AGBL1: variants seen among roughly 807,000 people sequenced by gnomAD.
AGBL1 encodes the protein cytosolic carboxypeptidase 4.
AGBL1 carries 130 observed loss-of-function variants against 118.9 expected under a neutral mutation model. That is an observed-to-expected ratio of 1.09 (90% CI 0.95 to 1.26). AGBL1 has a LOEUF of 1.26. AGBL1 is among the 50% of genes most tolerant of loss of function. AGBL1 has a pLI of 0.00. For synonymous variants in AGBL1, 555 were observed against 478.9 expected, an observed-to-expected ratio of 1.16 and a Z score of -2.08; for missense variants, 1,584 against 1,298.1, an observed-to-expected ratio of 1.22 and a Z score of -3.38.
intron 5 of AGBL1, among the ~76,000 whole-genome samples, chr15:86,175,249 G>T (rs1055705234): frequency 3.4e-4 from 52 of 151,928 alleles, no homozygotes; most frequent in African/African-American, 1.3e-3. Context: ...TTGGTAGATT[G>T]TATGTATCCA....
At chr15:86,133,844 T>C (rs1021011279) in intron 1 of AGBL1, among the ~76,000 whole-genome samples, 1 of 152,242 alleles carries the variant, frequency 6.6e-6, no homozygotes, top group African/African-American at 2.4e-5. Context: ...TTTATTTTTT[T>C]ATTTTGTTTT....
chr15:86,222,274 T>C (rs1454201523), intron 5 of AGBL1, among the ~76,000 whole-genome samples: 1 of 152,210 alleles, frequency 6.6e-6, no homozygotes, highest in Non-Finnish European at 1.5e-5. Flanking sequence ...AACAGTTTCA[T>C]GTAGCCTTCT....
chr15:86,534,987 A>T (rs1012674232), intron 19 of AGBL1, among the ~76,000 whole-genome samples: 3 of 152,194 alleles, frequency 2.0e-5, no homozygotes, highest in African/African-American at 7.2e-5. Context: ...ATTGAACTAT[A>T]TATTCAGGAT....
At chr15:86,850,315 C>G (rs2079389085) in intron 22 of AGBL1, among the ~76,000 whole-genome samples, 1 of 152,190 alleles carries the variant, frequency 6.6e-6, no homozygotes, top group Admixed American at 6.5e-5. Context: ...CTGTACATGG[C>G]ATGGATTAAA....
chr15:86,247,107 T>C (rs538994645), intron 6 of AGBL1, among the ~76,000 whole-genome samples: 25 of 152,382 alleles, frequency 1.6e-4, no homozygotes, highest in African/African-American at 5.8e-4. Flanking sequence ...AAAATAAACA[T>C]TGATACAAAA....
chr15:86,780,340 T>C (rs1457461557), intron 22 of AGBL1, among the ~76,000 whole-genome samples: 2 of 152,234 alleles, frequency 1.3e-5, no homozygotes, highest in Admixed American at 1.3e-4. Context: ...TTTCCCTTTT[T>C]ATCTCAATAT....
chr15:86,954,738 C>T (rs904663643), intron 23 of AGBL1, among the ~76,000 whole-genome samples: 2 of 152,142 alleles, frequency 1.3e-5, no homozygotes, highest in Admixed American at 1.3e-4. Flanking sequence ...ATTCCACAAC[C>T]TCATCATCAT....
intron 9 of AGBL1, among the ~76,000 whole-genome samples, chr15:86,261,785 G>A (rs1193765551): frequency 2.0e-5 from 3 of 151,936 alleles, no homozygotes; most frequent in Admixed American, 1.3e-4. Context: ...TCGAAATGGT[G>A]ATCTATCAAG....
chr15:86,126,838 C>G (rs1898465420), intron 1 of AGBL1, among the ~76,000 whole-genome samples: 1 of 152,200 alleles, frequency 6.6e-6, no homozygotes, highest in Admixed American at 6.5e-5. Context: ...AACAAATTTT[C>G]ATTGCAGCTG....
At chr15:86,852,506 T>C (rs1329831422) in intron 22 of AGBL1, among the ~76,000 whole-genome samples, 1 of 152,158 alleles carries the variant, frequency 6.6e-6, no homozygotes. Flanking sequence ...TCTATTCTGA[T>C]CCACCTGCAA....
intron 23 of AGBL1, among the ~76,000 whole-genome samples, chr15:86,978,051 G>A (rs2081192844): frequency 6.6e-6 from 1 of 152,068 alleles, no homozygotes; most frequent in Admixed American, 6.6e-5. Context: ...GATAAAAGCA[G>A]TATTATTTTA....
At chr15:86,889,548 C>T (rs2080020372) in intron 22 of AGBL1, among the ~76,000 whole-genome samples, 1 of 152,254 alleles carries the variant, frequency 6.6e-6, no homozygotes, top group Non-Finnish European at 1.5e-5. Context: ...CCTTCCCCCA[C>T]CTGGCCCCCA....
intron 22 of AGBL1, among the ~76,000 whole-genome samples, chr15:86,866,368 G>A (rs1249139674): frequency 3.3e-5 from 5 of 152,160 alleles, no homozygotes; most frequent in Non-Finnish European, 5.9e-5. Flanking sequence ...TGTCGCTATG[G>A]CATTGATCAC....
At chr15:86,673,605 G>A (rs548783205) in intron 21 of AGBL1, among the ~76,000 whole-genome samples, 22 of 152,276 alleles carry the variant, frequency 1.4e-4, no homozygotes, top group African/African-American at 4.3e-4. Context: ...GTAAGGATCC[G>A]CTGAGTTAAT....
intron 18 of AGBL1, among the ~76,000 whole-genome samples, chr15:86,478,722 G>T (rs112448760): frequency 3.9e-4 from 59 of 152,124 alleles, no homozygotes; most frequent in African/African-American, 1.4e-3. Context: ...CACAGAATTG[G>T]AAAAAACTAC....
At chr15:86,448,846 CAAAA>C (rs2082158809) in intron 18 of AGBL1, among the ~76,000 whole-genome samples, 2 of 149,882 alleles carry the variant, frequency 1.3e-5, no homozygotes, top group South Asian at 2.1e-4. Context: ...AAATTTAACT[CAAAA>C]GAAAAAAAAA....
At chr15:86,321,454 C>A (rs1235017668) in intron 17 of AGBL1, among the ~76,000 whole-genome samples, 1 of 151,850 alleles carries the variant, frequency 6.6e-6, no homozygotes, top group African/African-American at 2.4e-5. Context: ...TTTATTCATA[C>A]CTTATTCTTT....
intron 23 of AGBL1, among the ~76,000 whole-genome samples, chr15:86,951,035 A>G (rs1040029514): frequency 5.9e-5 from 9 of 152,200 alleles, no homozygotes; most frequent in African/African-American, 2.2e-4. Context: ...AAAAACCTCA[A>G]ACTGGGTGCC....
chr15:86,711,148 C>G (rs920666087), intron 22 of AGBL1, among the ~76,000 whole-genome samples: 10 of 152,170 alleles, frequency 6.6e-5, no homozygotes, highest in African/African-American at 2.4e-4. Flanking sequence ...CTCTGCTGTA[C>G]TCTTGAGCCG....
Sources: allele counts gnomAD v4.1 joint callset (sites outside exome capture counted in the v4.1 genomes callset), GRCh38; gene constraint gnomAD v4.1.1; transcripts MANE v1.5; gene names NCBI Gene and HGNC (gene_info 2026-07-23, HGNC 2026-07-21).